Variants in SYCE2 observed in about 807,000 individuals in gnomAD.
SYCE2 encodes the protein central element synaptonemal complex 1.
Under a neutral mutation model 27.9 loss-of-function variants are expected in SYCE2, and 3 were observed. The observed-to-expected ratio is 0.11, with a 90% confidence interval of 0.05 to 0.28. The LOEUF (loss-of-function observed/expected upper bound fraction) is 0.28, where lower values mean the gene tolerates loss of function less well. Among genes scored for constraint, SYCE2 ranks in the 10% least tolerant of loss-of-function variants. SYCE2 has a pLI of 1.00. For synonymous variants in SYCE2, 85 were observed against 100.7 expected (o/e 0.84, Z 0.93); for missense variants, 207 against 263.5 (o/e 0.79, Z 1.48).
rs562344928 is a variant in SYCE2 at position 12,909,061 on chromosome 19, C to T, written c.132-4395G>A. 4.6e-5 allele frequency among the ~76,000 whole-genome samples: 7 copies of T among 152,298 alleles called. No homozygotes were observed. In the East Asian group the frequency reaches 1.3e-3, roughly 29 times the overall value. Reference sequence around the variant, plus strand: ...GTCCTGTCTCCTCCAGAAAGTGTTCCTTGGCTGGATTAGGTGCACACAGCA... The same window carrying T: ...GTCCTGTCTCCTCCAGAAAGTGTTCTTTGGCTGGATTAGGTGCACACAGCA... On this transcript the variant is annotated intron_variant, in intron 2 of 5. Transcript: ENST00000293695.
chr19:12,918,742 A>G (rs1229936217), intron 1 of SYCE2, among the ~76,000 whole-genome samples: 1 of 152,022 alleles, frequency 6.6e-6, no homozygotes, highest in Non-Finnish European at 1.5e-5. Flanking sequence ...TCACGAGGTC[A>G]GGAGTGCGAG....
chr19:12,908,769 C>T (rs1970988640), intron 2 of SYCE2, among the ~76,000 whole-genome samples: 2 of 152,242 alleles, frequency 1.3e-5, no homozygotes, highest in South Asian at 4.2e-4. Context: ...ACATGCTGAC[C>T]TCTTGGCAGC....
chr19:12,917,354 T>C (rs1971155365), intron 2 of SYCE2, among the ~76,000 whole-genome samples: 1 of 151,934 alleles, frequency 6.6e-6, no homozygotes, highest in African/African-American at 2.4e-5. Context: ...GTGCCCGGCC[T>C]ACTAAATTTT....
At chr19:12,912,235 C>G (rs1419357025) in intron 2 of SYCE2, among the ~76,000 whole-genome samples, 1 of 151,870 alleles carries the variant, frequency 6.6e-6, no homozygotes, top group Non-Finnish European at 1.5e-5. Context: ...CAAGCCCGAT[C>G]TAGCCTTACT....
At chr19:12,918,148 C>A (rs1026540028) in intron 2 of SYCE2, 74 bp downstream of exon 2, 64 of 1,285,732 alleles carry the variant, frequency 5.0e-5, no homozygotes, top group Non-Finnish European at 6.9e-5. Flanking sequence ...ACTGGCATAG[C>A]CTTGTGGAAG....
chr19:12,919,238 C>A lies in SYCE2; in HGVS notation c.15+5G>T. 1 of 1,611,356 alleles carries A rather than the reference C, an allele frequency of 6.2e-7. No individual in the cohort carries two copies. Among genetic ancestry groups the A allele is most frequent in the East Asian group, 2.2e-5 (1 of 44,884 alleles). ...ACGCGCGAGAAGGAAACAAGCGCCGCGTACTCCCTGTCGCTCCATTCCGTA... is the reference window on the plus strand; with the variant it reads ...ACGCGCGAGAAGGAAACAAGCGCCGAGTACTCCCTGTCGCTCCATTCCGTA... On this transcript the variant is annotated splice_donor_5th_base_variant and intron_variant, in intron 1 of 5. Transcript: ENST00000293695.
At chr19:12,899,435 A>C (rs1313968927) in intron 5 of SYCE2, 50 bp from the exon 6 acceptor site, 1 of 1,613,008 alleles carries the variant, frequency 6.2e-7, no homozygotes, top group African/African-American at 1.3e-5. Context: ...AGCTATGAAA[A>C]CTCCAAACCG....
intron 2 of SYCE2, among the ~76,000 whole-genome samples, chr19:12,915,022 A>C (rs1971113461): frequency 6.6e-6 from 1 of 152,260 alleles, no homozygotes; most frequent in Non-Finnish European, 1.5e-5. Context: ...TCCACACACA[A>C]ACTTTTCTAA....
intron 2 of SYCE2, among the ~76,000 whole-genome samples, chr19:12,905,008 A>T (rs1395971236): frequency 1.3e-5 from 2 of 151,918 alleles, no homozygotes; most frequent in East Asian, 3.9e-4. Flanking sequence ...CGTCTAAAAA[A>T]AAAAAAAGGA....
chr19:12,914,962 G>A (rs189955055), intron 2 of SYCE2, among the ~76,000 whole-genome samples: 1 of 152,342 alleles, frequency 6.6e-6, no homozygotes, highest in East Asian at 1.9e-4. Context: ...CTGTGACCCA[G>A]CAGTTCCCCT....
At chr19:12,919,160 G>T (rs1207745194) in intron 1 of SYCE2, 83 bp downstream of exon 1, 2 of 1,575,914 alleles carry the variant, frequency 1.3e-6, no homozygotes, top group South Asian at 2.2e-5. Flanking sequence ...GCTCGGGTCC[G>T]CTGGAGATGG....
chr19:12,909,555 T>G (rs2145974450), intron 2 of SYCE2, among the ~76,000 whole-genome samples: 1 of 152,130 alleles, frequency 6.6e-6, no homozygotes, highest in East Asian at 1.9e-4. Context: ...CTTTGTTTTT[T>G]TATTTTTATT....
intron 2 of SYCE2, among the ~76,000 whole-genome samples, chr19:12,906,523 GGAGA>G (rs1350598150): frequency 6.6e-6 from 1 of 152,110 alleles, no homozygotes; most frequent in Non-Finnish European, 1.5e-5. Flanking sequence ...GTTGGGTATG[GGAGA>G]GAGAACTAAA....
intron 2 of SYCE2, among the ~76,000 whole-genome samples, chr19:12,917,409 C>T (rs1971156718): frequency 6.6e-6 from 1 of 152,080 alleles, no homozygotes; most frequent in Admixed American, 6.6e-5. Context: ...TGTCACCAGG[C>T]TGGCATGCAG....
chr19:12,904,391 T>C, intron 3 of SYCE2, 101 bp downstream of exon 3: 1 of 1,398,062 alleles, frequency 7.2e-7, no homozygotes. Context: ...TGTGTGTGAA[T>C]GGCCTAGCAC....
rs116142612 is a variant in SYCE2 at position 12,919,042 on chromosome 19, G to A, written c.15+201C>T. On this transcript the variant is annotated intron_variant, in intron 1 of 5. Transcript: ENST00000293695. ...TCCGTTCCGGCCACGCGCCATGTGT[G>A]GAAATCAGACCCGTCAGTGCGTCAG... Among the ~76,000 whole-genome samples, 237 of 152,206 alleles carry A rather than the reference G, an allele frequency of 1.6e-3. 5 individuals carry two copies. Among genetic ancestry groups the A allele is most frequent in the African/African-American group, 5.6e-3 (231 of 41,542 alleles).
intron 3 of SYCE2, among the ~76,000 whole-genome samples, chr19:12,901,029 C>T (rs920121115): frequency 6.0e-4 from 91 of 152,096 alleles, no homozygotes; most frequent in African/African-American, 2.0e-3. Flanking sequence ...TTTAGCCGGG[C>T]GAGGTGGCGG....
At chr19:12,911,192 G>T (rs1971040268) in intron 2 of SYCE2, among the ~76,000 whole-genome samples, 1 of 151,698 alleles carries the variant, frequency 6.6e-6, no homozygotes, top group African/African-American at 2.4e-5. Context: ...ACCCAAGCTG[G>T]TCTCAAACTC....
chr19:12,905,415 T>C (rs889192095), intron 2 of SYCE2, among the ~76,000 whole-genome samples: 15 of 151,774 alleles, frequency 9.9e-5, no homozygotes, highest in Non-Finnish European at 1.9e-4. Context: ...CACTGCAAGC[T>C]CCACCTCCCG....
Sources: allele counts gnomAD v4.1 joint callset (sites outside exome capture counted in the v4.1 genomes callset), GRCh38; gene constraint gnomAD v4.1.1; transcripts MANE v1.5; gene names NCBI Gene and HGNC (gene_info 2026-07-23, HGNC 2026-07-21).